The following RALGPS2 variants were observed in gnomAD, a reference collection of about 807,000 sequenced individuals.
RALGPS2 encodes ras-specific guanine nucleotide-releasing factor RalGPS2.
Under a neutral mutation model 86.8 loss-of-function variants are expected in RALGPS2, and 43 were observed. That is an observed-to-expected ratio of 0.50 (90% CI 0.39 to 0.64). The LOEUF is 0.64. RALGPS2 is among the 30% of genes least tolerant of loss of function. The pLI is 0.00. For synonymous variants in RALGPS2, 243 were observed against 231.3 expected (o/e 1.05, Z -0.46); for missense variants, 536 against 694.6 (o/e 0.77, Z 2.57).
intron 8 of RALGPS2, among the ~76,000 whole-genome samples, chr1:178,835,399 T>TA (rs1656226968): frequency 1.3e-5 from 2 of 149,274 alleles, no homozygotes; most frequent in African/African-American, 4.9e-5. Context: ...TTTCTTTTTT[T>TA]TTTTTTTTTT....
intron 7 of RALGPS2, 130 bp downstream of exon 7, chr1:178,821,834 C>T (rs1248927762): frequency 1.3e-6 from 1 of 766,356 alleles, no homozygotes; most frequent in Non-Finnish European, 2.0e-6. Flanking sequence ...TTGCTTTGTA[C>T]TCTATTCTTT....
chr1:178,769,038 T>G (rs1008401528), intron 1 of RALGPS2, among the ~76,000 whole-genome samples: 6 of 149,988 alleles, frequency 4.0e-5, no homozygotes, highest in African/African-American at 1.5e-4. Flanking sequence ...TCTGCCTGGA[T>G]ATGAAGCAGA....
intron 8 of RALGPS2, chr1:178,865,287 C>G: frequency 6.2e-7 from 1 of 1,614,048 alleles, no homozygotes; most frequent in South Asian, 1.1e-5. Context: ...TTCAACATTT[C>G]TGTGGTGACA....
chr1:178,775,732 A>C (rs1000413236), intron 1 of RALGPS2, among the ~76,000 whole-genome samples: 2 of 152,138 alleles, frequency 1.3e-5, no homozygotes, highest in South Asian at 4.1e-4. Flanking sequence ...TTTGTTTGTT[A>C]TGTGGGTATA....
In RALGPS2 at chr1:178,809,124, G is replaced by A. The variant is rs74317355; in HGVS notation, c.297+996G>A. On this transcript the variant is annotated intron_variant, in intron 5 of 19. Transcript: ENST00000367635. ...CTCAGCCTCCCAAGGCACTGTGATT[G>A]TAAGCATGAGTCACTCTTCTCAGTC... 3.7e-3 allele frequency among the ~76,000 whole-genome samples: 557 copies of A among 152,210 alleles called. 5 individuals carry two copies. Among genetic ancestry groups the A allele is most frequent in the African/African-American group, 0.012 (505 of 41,534 alleles).
rs999756277 is a variant in RALGPS2, at chr1:178,918,257, T to A, written c.*1898T>A. The A allele has an allele frequency of 2.6e-5, 4 of 152,198 alleles. No homozygotes were observed. Among genetic ancestry groups the A allele is most frequent in the African/African-American group, 9.6e-5 (4 of 41,470 alleles). 9.4% of individuals were successfully genotyped at this position (152,198 alleles called of 1,614,324 possible). ...AGAAAGACATAGCCAGCAGTATTAC[T>A]ACGTAGACCTTGCACATCTTACTTT... On this transcript the variant is annotated 3_prime_UTR_variant, in exon 20 of 20. Coordinates refer to ENST00000367635, the MANE Select transcript of RALGPS2 (RefSeq NM_152663.5).
intron 19 of RALGPS2, among the ~76,000 whole-genome samples, chr1:178,908,731 T>C (rs1350294809): frequency 6.6e-6 from 1 of 152,238 alleles, no homozygotes; most frequent in Admixed American, 6.5e-5. Context: ...AAGTGTCTGT[T>C]CATGTCCTTT....
intron 1 of RALGPS2, among the ~76,000 whole-genome samples, chr1:178,749,827 G>A (rs1348559515): frequency 2.0e-5 from 3 of 152,122 alleles, no homozygotes; most frequent in African/African-American, 7.2e-5. Context: ...GGGTGTGGTG[G>A]CTCACGCTTG....
chr1:178,859,820 GCCC>G (rs796122342), intron 8 of RALGPS2, among the ~76,000 whole-genome samples: 7 of 9,048 alleles, frequency 7.7e-4, no homozygotes, highest in African/African-American at 2.5e-3. Flanking sequence ...GCCTCTGCCC[GCCC>G]CCCCCCCCCC....
intron 4 of RALGPS2, among the ~76,000 whole-genome samples, chr1:178,802,997 C>A (rs1654554249): frequency 6.6e-6 from 1 of 151,928 alleles, no homozygotes; most frequent in African/African-American, 2.4e-5. Context: ...TATGAGTGGA[C>A]CCACACAGTT....
intron 1 of RALGPS2, among the ~76,000 whole-genome samples, chr1:178,736,867 A>G (rs1212853614): frequency 6.6e-6 from 1 of 152,190 alleles, no homozygotes; most frequent in Non-Finnish European, 1.5e-5. Flanking sequence ...ACTGCACTCC[A>G]GCCTGGGCAA....
chr1:178,847,375 G>A (rs940020612), intron 8 of RALGPS2, among the ~76,000 whole-genome samples: 9 of 152,148 alleles, frequency 5.9e-5, no homozygotes, highest in African/African-American at 2.2e-4. Flanking sequence ...GAACCCGGGA[G>A]GCAGAGGTTG....
At chr1:178,897,942 C>T (rs1419089527) in intron 17 of RALGPS2, among the ~76,000 whole-genome samples, 186 bp downstream of exon 17, 2 of 151,950 alleles carry the variant, frequency 1.3e-5, no homozygotes, top group African/African-American at 4.8e-5. Flanking sequence ...GTCAAAACTG[C>T]ACATTACGCT....
chr1:178,791,616 T>C (rs1006678539), intron 4 of RALGPS2, among the ~76,000 whole-genome samples: 1 of 152,210 alleles, frequency 6.6e-6, no homozygotes, highest in Non-Finnish European at 1.5e-5. Context: ...CTTTCAATAA[T>C]GTAGACAGTT....
chr1:178,787,417 A>G (rs1653708919), intron 4 of RALGPS2, among the ~76,000 whole-genome samples: 1 of 152,218 alleles, frequency 6.6e-6, no homozygotes. Context: ...ACAAAATATT[A>G]TCGTTTCAAC....
intron 8 of RALGPS2, chr1:178,865,581 C>T (rs775379627): frequency 6.2e-7 from 1 of 1,614,094 alleles, no homozygotes; most frequent in Admixed American, 1.7e-5. Context: ...TTGGTGTTGA[C>T]ACAGATTGGC....
chr1:178,776,206 A>G (rs1653074981), intron 1 of RALGPS2, among the ~76,000 whole-genome samples: 3 of 152,172 alleles, frequency 2.0e-5, no homozygotes, highest in Admixed American at 2.0e-4. Context: ...TTGTATTTTT[A>G]TGACATGTAG....
chr1:178,866,419 A>G (rs1469455221), intron 8 of RALGPS2, among the ~76,000 whole-genome samples: 2 of 152,156 alleles, frequency 1.3e-5, no homozygotes, highest in Non-Finnish European at 2.9e-5. Context: ...TTTTTATAGC[A>G]TCTCCTTTTG....
At chr1:178,812,714 A>G (rs1488904133) in intron 6 of RALGPS2, among the ~76,000 whole-genome samples, 1 of 152,210 alleles carries the variant, frequency 6.6e-6, no homozygotes, top group African/African-American at 2.4e-5. Flanking sequence ...CTTTCCTCAC[A>G]TGTGAATGAA....
Sources: allele counts gnomAD v4.1 joint callset (sites outside exome capture counted in the v4.1 genomes callset), GRCh38; gene constraint gnomAD v4.1.1; transcripts MANE v1.5; gene names NCBI Gene and HGNC (gene_info 2026-07-23, HGNC 2026-07-21).